The following GLRB variants were observed in gnomAD, a reference collection of about 807,000 sequenced individuals.
GLRB encodes glycine receptor subunit beta.
In GLRB, 33 loss-of-function variants were observed where a neutral mutation model predicts 54.2. The observed-to-expected ratio is 0.61, with a 90% CI of 0.46 to 0.81. GLRB has a LOEUF of 0.81. Ranked by LOEUF, GLRB falls within the 40% of genes least tolerant of loss-of-function variation. The pLI is 0.00. For missense variants in GLRB, 572 were observed against 584.6 expected (o/e 0.98, Z 0.22); for synonymous variants, 209 against 208.2 (o/e 1.00, Z -0.03).
At chr4:157,098,592 C>T (rs115643345) in intron 2 of GLRB, among the ~76,000 whole-genome samples, 2,680 of 151,868 alleles carry the variant, frequency 0.018, 61 homozygotes, top group African/African-American at 0.059. Context: ...CCTAGAAAAT[C>T]ACTTTTTTCT....
chr4:157,150,923 A>C (rs17035792), intron 8 of GLRB, among the ~76,000 whole-genome samples: 8,395 of 152,094 alleles, frequency 0.055, 401 homozygotes, highest in African/African-American at 0.13. Flanking sequence ...TATCCACACC[A>C]AAGTAATGCT....
At chr4:157,128,540 A>G (rs1736098931) in intron 4 of GLRB, among the ~76,000 whole-genome samples, 1 of 151,882 alleles carries the variant, frequency 6.6e-6, no homozygotes, top group Non-Finnish European at 1.5e-5. Flanking sequence ...TGTATTTAAT[A>G]GAAGTGTATT....
intron 2 of GLRB, among the ~76,000 whole-genome samples, chr4:157,108,036 C>G (rs559998196): frequency 6.6e-6 from 1 of 152,142 alleles, no homozygotes; most frequent in East Asian, 1.9e-4. Flanking sequence ...CATTTGTTTA[C>G]AACATGATTT....
intron 4 of GLRB, among the ~76,000 whole-genome samples, chr4:157,126,473 C>T (rs1254338840): frequency 1.3e-5 from 2 of 151,642 alleles, no homozygotes; most frequent in African/African-American, 4.8e-5. Flanking sequence ...TGTAAGGTAT[C>T]ATTATCAATA....
At chr4:157,090,022 T>C (rs1305314536) in intron 2 of GLRB, among the ~76,000 whole-genome samples, 8 of 152,314 alleles carry the variant, frequency 5.3e-5, no homozygotes, top group Admixed American at 5.2e-4. Flanking sequence ...TTATGGTCTC[T>C]GTCAGGCCAT....
intron 7 of GLRB, among the ~76,000 whole-genome samples, chr4:157,141,529 A>G (rs1053176310): frequency 2.0e-5 from 3 of 151,998 alleles, no homozygotes; most frequent in Non-Finnish European, 4.4e-5. Flanking sequence ...AGAAGTAACA[A>G]AAGTGGAGAA....
chr4:157,094,934 A>G (rs983586835), intron 2 of GLRB, among the ~76,000 whole-genome samples: 2 of 152,254 alleles, frequency 1.3e-5, no homozygotes, highest in African/African-American at 2.4e-5. Context: ...CACTATCTGT[A>G]ATTATAAAAT....
chr4:157,086,160 C>T (rs548182844), intron 2 of GLRB, among the ~76,000 whole-genome samples: 9 of 152,124 alleles, frequency 5.9e-5, no homozygotes, highest in South Asian at 2.1e-4. Context: ...GCTTATCTGC[C>T]GTTGTTCCTA....
At chr4:157,084,246 G>A (rs1444263813) in intron 2 of GLRB, among the ~76,000 whole-genome samples, 1 of 152,074 alleles carries the variant, frequency 6.6e-6, no homozygotes, top group Non-Finnish European at 1.5e-5. Context: ...TGCCACTACC[G>A]TTAGAGAAAC....
chr4:157,100,524 G>A (rs1223741824), intron 2 of GLRB, among the ~76,000 whole-genome samples: 1 of 151,994 alleles, frequency 6.6e-6, no homozygotes, highest in Non-Finnish European at 1.5e-5. Context: ...TTCTAGTCTT[G>A]TTCTTCTCTA....
chr4:157,131,829 A>G (rs2126555790), intron 4 of GLRB, among the ~76,000 whole-genome samples: 1 of 151,958 alleles, frequency 6.6e-6, no homozygotes, highest in East Asian at 1.9e-4. Flanking sequence ...CCATTTATCT[A>G]CCGAATGACA....
At chr4:157,097,598 C>T (rs1734859142) in intron 2 of GLRB, among the ~76,000 whole-genome samples, 1 of 152,106 alleles carries the variant, frequency 6.6e-6, no homozygotes, top group Middle Eastern at 3.2e-3. Flanking sequence ...TAATTTTTTC[C>T]ATGTTTTAAA....
intron 2 of GLRB, among the ~76,000 whole-genome samples, chr4:157,097,403 G>A (rs933648394): frequency 6.6e-6 from 1 of 152,156 alleles, no homozygotes; most frequent in Non-Finnish European, 1.5e-5. Flanking sequence ...TTTCGAGAAT[G>A]ATAATAAACA....
chr4:157,116,407 T>C lies in GLRB; in HGVS notation c.123-4149T>C, dbSNP rs1735610388. 2.0e-5 allele frequency among the ~76,000 whole-genome samples: 3 copies of C among 151,722 alleles called. No homozygotes were observed. The South Asian group carries it at 6.2e-4, about 31-fold the overall frequency. On this transcript the variant is annotated intron_variant, in intron 2 of 9. Transcript: ENST00000264428. ...ATAGATTTCTTAAAATAAAACAAAA[T>C]AGCATAGTCAAATGCATAAAACATT...
At chr4:157,104,979 T>C (rs570157021) in intron 2 of GLRB, among the ~76,000 whole-genome samples, 70 of 151,942 alleles carry the variant, frequency 4.6e-4, no homozygotes, top group African/African-American at 1.7e-3. Context: ...TTATTCTAGC[T>C]GTAAATTTTG....
rs569459026 is a variant in GLRB at position 157,146,647 on chromosome 4, C to T, written c.904+2688C>T. On this transcript the variant is annotated intron_variant, in intron 8 of 9. Coordinates refer to ENST00000264428, the MANE Select transcript of GLRB (RefSeq NM_000824.5). ...CAGCCTTGCCAACATGGTAAAACCC[C>T]GTCTCTACCAAAAATGCAAAAAATT... Among the ~76,000 whole-genome samples the T allele has an allele frequency of 3.3e-5, 5 of 151,578 alleles. No homozygotes were observed. The South Asian group carries it at 6.2e-4, about 19-fold the overall frequency.
At position 157,168,115 on chromosome 4, in the gene GLRB, ATT is replaced by A. The variant is rs111436022; in HGVS notation, c.1198-2305_1198-2304del. On this transcript the variant is annotated intron_variant, in intron 9 of 9. Coordinates refer to ENST00000264428, the MANE Select transcript of GLRB (RefSeq NM_000824.5). ...ATCCAAACCACATCAACCAGTTCCT[ATT>A]TTTTTTTTTTTGTCAGACATTTTGC... is the stretch of plus-strand genomic sequence containing the variant. Among the ~76,000 whole-genome samples, 201 of 145,220 alleles carry A rather than the reference ATT, an allele frequency of 1.4e-3. 1 individual carries two copies. Among genetic ancestry groups the A allele is most frequent in the Admixed American group, 5.8e-3 (85 of 14,534 alleles).
At chr4:157,096,907 G>A (rs953830777) in intron 2 of GLRB, among the ~76,000 whole-genome samples, 2 of 152,138 alleles carry the variant, frequency 1.3e-5, no homozygotes, top group Non-Finnish European at 2.9e-5. Context: ...ATTGTAGTGT[G>A]CTTTGAGGTA....
intron 2 of GLRB, among the ~76,000 whole-genome samples, chr4:157,097,818 C>T (rs111984494): frequency 0.048 from 7,236 of 152,110 alleles, 353 homozygotes; most frequent in African/African-American, 0.13. Flanking sequence ...GTCAGGAGTT[C>T]GAGACCAGCC....
Sources: allele counts gnomAD v4.1 joint callset (sites outside exome capture counted in the v4.1 genomes callset), GRCh38; gene constraint gnomAD v4.1.1; transcripts MANE v1.5; gene names NCBI Gene and HGNC (gene_info 2026-07-23, HGNC 2026-07-21).